The following PHTF2 variants were observed in gnomAD, a reference collection of about 807,000 sequenced individuals.
PHTF2 encodes the protein putative homeodomain transcription factor 2.
PHTF2 carries 60 observed loss-of-function variants against 101.2 expected under a neutral mutation model. That is an observed-to-expected ratio of 0.59 (90% CI 0.48 to 0.73). The LOEUF is 0.73. Among genes scored for constraint, PHTF2 ranks in the 30% least tolerant of loss-of-function variants. PHTF2 has a pLI of 0.00. For synonymous variants in PHTF2, 311 were observed against 307.3 expected (o/e 1.01, Z -0.13); for missense variants, 747 against 908.7 (o/e 0.82, Z 2.29).
At chr7:77,893,749 C>A in intron 4 of PHTF2, 85 bp downstream of exon 3, 1 of 650,078 alleles carries the variant, frequency 1.5e-6, no homozygotes, top group Non-Finnish European at 2.7e-6. Flanking sequence ...TTTTAATATA[C>A]TTTTAAGATA....
At chr7:77,942,969 A>T (rs572832000) in intron 16 of PHTF2, among the ~76,000 whole-genome samples, 183 bp downstream of exon 15, 6 of 152,238 alleles carry the variant, frequency 3.9e-5, no homozygotes, top group Non-Finnish European at 8.8e-5. Flanking sequence ...AACAGTGAGC[A>T]TGTATGCTCA....
chr7:77,830,351 T>C (rs2150548663), intron 1 of PHTF2, among the ~76,000 whole-genome samples: 1 of 152,296 alleles, frequency 6.6e-6, no homozygotes, highest in Non-Finnish European at 1.5e-5. Flanking sequence ...TTAGGTACAG[T>C]AAGACAGGGT....
At chr7:77,816,755 C>T (rs1290795023) in intron 1 of PHTF2, among the ~76,000 whole-genome samples, 2 of 152,196 alleles carry the variant, frequency 1.3e-5, no homozygotes, top group East Asian at 3.8e-4. Flanking sequence ...CTGGTATCCT[C>T]CATTCTACTT....
chr7:77,937,510 G>C (rs1354807901), intron 12 of PHTF2, among the ~76,000 whole-genome samples, 200 bp from the exon 12 acceptor site: 1 of 152,050 alleles, frequency 6.6e-6, no homozygotes, highest in Non-Finnish European at 1.5e-5. Flanking sequence ...TAGTGTCTTA[G>C]AGTTGTGTGT....
intron 1 of PHTF2, among the ~76,000 whole-genome samples, chr7:77,809,358 C>T (rs1793249436): frequency 2.6e-5 from 4 of 151,506 alleles, no homozygotes; most frequent in Admixed American, 2.0e-4. Context: ...TCCCAAATAG[C>T]TGGGATTACA....
chr7:77,852,135 C>G (rs572878223), intron 2 of PHTF2, among the ~76,000 whole-genome samples: 7 of 152,302 alleles, frequency 4.6e-5, no homozygotes, highest in Admixed American at 4.6e-4. Flanking sequence ...AAGCAATCCT[C>G]CTGCCTCAGC....
chr7:77,871,954 G>C (rs2150718056), intron 3 of PHTF2, among the ~76,000 whole-genome samples: 1 of 152,272 alleles, frequency 6.6e-6, no homozygotes, highest in South Asian at 2.1e-4. Context: ...CTGGAGTAAG[G>C]GTTTATTCCA....
chr7:77,891,234 C>T (rs1418825295), intron 3 of PHTF2, among the ~76,000 whole-genome samples: 1 of 152,086 alleles, frequency 6.6e-6, no homozygotes, highest in Non-Finnish European at 1.5e-5. Flanking sequence ...CTGCACCTGG[C>T]CTAAAAAATA....
intron 3 of PHTF2, among the ~76,000 whole-genome samples, chr7:77,855,175 C>T (rs1797076319): frequency 6.6e-6 from 1 of 152,332 alleles, no homozygotes; most frequent in South Asian, 2.1e-4. Context: ...GGTCTTTAGT[C>T]AGCAGGTGAT....
At chr7:77,922,394 C>T (rs972137515) in intron 10 of PHTF2, among the ~76,000 whole-genome samples, 2 of 152,048 alleles carry the variant, frequency 1.3e-5, no homozygotes, top group Non-Finnish European at 2.9e-5. Context: ...TAATATTTGA[C>T]AAATGGCTGT....
At chr7:77,818,126 C>G (rs1371106018) in intron 1 of PHTF2, among the ~76,000 whole-genome samples, 5 of 148,924 alleles carry the variant, frequency 3.4e-5, no homozygotes, top group Non-Finnish European at 7.5e-5. Context: ...AAAAAAAAAA[C>G]AACAGTTTGA....
At chr7:77,898,021 T>C (rs537572863) in intron 5 of PHTF2, among the ~76,000 whole-genome samples, 3 of 151,670 alleles carry the variant, frequency 2.0e-5, no homozygotes, top group Non-Finnish European at 4.4e-5. Context: ...CTTTAAATTA[T>C]CTTGATAGGC....
At position 77,923,472 on chromosome 7, in the gene PHTF2, C is replaced by T. The variant is rs555265439; in HGVS notation, c.1119+694C>T. 8.4e-5 allele frequency: 83 copies of T among 985,220 alleles called. No individual in the cohort carries two copies. The African/African-American group carries it at 1.1e-3, about 13-fold the overall frequency. 61.0% of individuals were successfully genotyped at this position (985,220 alleles called of 1,614,324 possible). On this transcript the variant is annotated intron_variant, in intron 11 of 19. Transcript: ENST00000416283. Reference sequence around the variant, plus strand: ...AAACTTGTAAAACAAACACATGTTACGCTGTGCTGGAATATGATTGCCTTC... The same window carrying T: ...AAACTTGTAAAACAAACACATGTTATGCTGTGCTGGAATATGATTGCCTTC...
At chr7:77,866,922 A>G (rs1798114575) in intron 3 of PHTF2, among the ~76,000 whole-genome samples, 1 of 152,232 alleles carries the variant, frequency 6.6e-6, no homozygotes, top group African/African-American at 2.4e-5. Flanking sequence ...TAGTAAAAGA[A>G]TGCAAATAGG....
chr7:77,854,691 G>T (rs773220122), intron 2 of PHTF2: 1 of 701,412 alleles, frequency 1.4e-6, no homozygotes, highest in South Asian at 1.5e-5. Flanking sequence ...CAAGCCACAA[G>T]ACAAAGTTTT....
At chr7:77,824,487 G>GCAAT (rs956652431) in intron 1 of PHTF2, among the ~76,000 whole-genome samples, 7 of 152,044 alleles carry the variant, frequency 4.6e-5, no homozygotes, top group African/African-American at 1.7e-4. Flanking sequence ...GTGCAGTGGT[G>GCAAT]CAATCTCGGC....
At chr7:77,907,739 T>G (rs953577790) in intron 7 of PHTF2, 17 of 152,230 alleles carry the variant, frequency 1.1e-4, no homozygotes, top group African/African-American at 3.6e-4. Context: ...TTGAGACATT[T>G]TACCCCTGAA....
chr7:77,912,356 G>A (rs848476), intron 9 of PHTF2, among the ~76,000 whole-genome samples: 117,611 of 152,128 alleles, frequency 0.77, 45,862 homozygotes, highest in African/African-American at 0.86. Flanking sequence ...CTTAAGAGAA[G>A]TGTTAATTTT....
At chr7:77,950,531 C>T (rs572966179) in intron 17 of PHTF2, among the ~76,000 whole-genome samples, 7 of 152,166 alleles carry the variant, frequency 4.6e-5, no homozygotes, top group African/African-American at 1.7e-4. Flanking sequence ...TATGGTGGTG[C>T]GTGCCTGTAA....
Sources: gnomAD v4.1 joint callset for allele counts (sites outside exome capture counted in the v4.1 genomes callset) on GRCh38, gnomAD v4.1.1 for gene constraint, MANE v1.5 for transcripts, NCBI Gene and HGNC (gene_info 2026-07-23, HGNC 2026-07-21) for gene names.